SPATA3: variants seen among roughly 807,000 people sequenced by gnomAD.
SPATA3 encodes spermatogenesis associated 3.
SPATA3 carries 6 observed loss-of-function variants against 5.7 expected under a neutral mutation model. The observed-to-expected ratio is 1.06, with a 90% CI of 0.58 to 2.09. The LOEUF (loss-of-function observed/expected upper bound fraction) is 2.09, where lower values mean the gene tolerates loss of function less well. SPATA3 is among the 30% of genes most tolerant of loss of function. The probability of loss-of-function intolerance (pLI) is 0.00; values close to 1 mark genes in which losing one functional copy is unlikely to be tolerated. For missense variants in SPATA3, 155 were observed against 130.4 expected, an observed-to-expected ratio of 1.19 and a Z score of -0.92; for synonymous variants, 44 against 48.4, an observed-to-expected ratio of 0.91 and a Z score of 0.37.
chr2:231,017,509 C>A (rs1692962928), intron 6 of SPATA3, among the ~76,000 whole-genome samples: 1 of 152,228 alleles, frequency 6.6e-6, no homozygotes, highest in African/African-American at 2.4e-5. Flanking sequence ...ATGACTGGGC[C>A]CCGGGGAACT....
intron 6 of SPATA3, among the ~76,000 whole-genome samples, chr2:231,014,658 G>T (rs1354318639): frequency 6.6e-6 from 1 of 152,068 alleles, no homozygotes; most frequent in African/African-American, 2.4e-5. Flanking sequence ...GGCTCCTCTG[G>T]TACTCTGCTG....
Position 231,002,679 on chromosome 2 carries a change from T to C in SPATA3, c.963-5T>C. The C allele has an allele frequency of 1.3e-6, 2 of 1,501,192 alleles. No individual in the cohort carries two copies. Among genetic ancestry groups the C allele is most frequent in the Non-Finnish European group, 1.8e-6 (2 of 1,120,996 alleles). 93.0% of individuals were successfully genotyped at this position (1,501,192 alleles called of 1,614,324 possible). ...CACCACCCCCACTTCTGCTTTGCTC[T>C]ACAGAAAATCTTCAAGAAAACCCTC... On this transcript the variant is annotated splice_region_variant and splice_polypyrimidine_tract_variant and intron_variant, in intron 2 of 2. Transcript: ENST00000645363.
At chr2:230,996,479 C>A (rs927595310) in intron 1 of SPATA3, 1 of 1,552,308 alleles carries the variant, frequency 6.4e-7, no homozygotes, top group Non-Finnish European at 8.7e-7. Context: ...GCTCCTCTTG[C>A]TGCCTTTTAT....
intron 1 of SPATA3, among the ~76,000 whole-genome samples, chr2:230,998,406 T>C (rs1357144089): frequency 6.6e-6 from 1 of 152,224 alleles, no homozygotes; most frequent in African/African-American, 2.4e-5. Context: ...TCTTCAGTAC[T>C]GGTAGAAAGC....
At chr2:231,000,256 C>A in intron 1 of SPATA3, 110 bp from the exon 2 acceptor site, 1 of 1,042,088 alleles carries the variant, frequency 9.6e-7, no homozygotes, top group Non-Finnish European at 1.3e-6. Context: ...CCCTGGTAAT[C>A]CTGCAGCTGC....
intron 1 of SPATA3, chr2:230,996,446 C>G: frequency 6.4e-7 from 1 of 1,552,384 alleles, no homozygotes; most frequent in Non-Finnish European, 8.7e-7. Context: ...CATTCCAAGC[C>G]CTTCCAGCAC....
chr2:231,002,790 A>G, downstream of SPATA3: 1 of 1,492,782 alleles, frequency 6.7e-7, no homozygotes, highest in Non-Finnish European at 8.9e-7. Flanking sequence ...ACATCACTGA[A>G]TCCTTGTGAA....
At chr2:231,011,261 T>C (rs551169606), downstream of SPATA3, among the ~76,000 whole-genome samples, 51 of 152,162 alleles carry the variant, frequency 3.4e-4, no homozygotes, top group Non-Finnish European at 6.6e-4. Flanking sequence ...ATTACAAGCA[T>C]ACGCCACCAC....
At chr2:230,997,074 A>T (rs541338353) in intron 1 of SPATA3, among the ~76,000 whole-genome samples, 1 of 152,230 alleles carries the variant, frequency 6.6e-6, no homozygotes, top group East Asian at 1.9e-4. Flanking sequence ...ATGTGAATAG[A>T]CTTGTTCCTT....
chr2:231,018,757 C>G (rs547623044), intron 6 of SPATA3, among the ~76,000 whole-genome samples: 1 of 151,908 alleles, frequency 6.6e-6, no homozygotes, highest in Non-Finnish European at 1.5e-5. Context: ...ATAATCTCAG[C>G]TCACTGCAAC....
chr2:231,005,282 A>T (rs111209795), downstream of SPATA3, among the ~76,000 whole-genome samples: 5 of 125,554 alleles, frequency 4.0e-5, no homozygotes, highest in East Asian at 2.7e-4. Flanking sequence ...CACCATCACC[A>T]TCATCATCAC....
intron 2 of SPATA3, among the ~76,000 whole-genome samples, chr2:231,001,305 C>T (rs559058950): frequency 8.3e-4 from 127 of 152,260 alleles, no homozygotes; most frequent in African/African-American, 2.9e-3. Context: ...AGAGGGGTCG[C>T]CATCTGCCCC....
downstream of SPATA3, among the ~76,000 whole-genome samples, chr2:231,008,451 C>T (rs1232461982): frequency 6.6e-6 from 1 of 152,166 alleles, no homozygotes; most frequent in African/African-American, 2.4e-5. Flanking sequence ...TAGACCGGGA[C>T]CCAGCAGGGC....
chr2:231,011,999 C>T (rs1365379743), downstream of SPATA3, among the ~76,000 whole-genome samples: 1 of 152,206 alleles, frequency 6.6e-6, no homozygotes, highest in Non-Finnish European at 1.5e-5. Flanking sequence ...TGCCAATGTC[C>T]CAAGATGCAT....
At chr2:230,996,523 C>T in intron 1 of SPATA3, 2 of 1,551,786 alleles carry the variant, frequency 1.3e-6, no homozygotes, top group Non-Finnish European at 1.7e-6. Context: ...GCCCCTCAAT[C>T]CAGGAAAGCA....
At chr2:230,996,465 C>A (rs1352981577) in intron 1 of SPATA3, 1 of 1,552,340 alleles carries the variant, frequency 6.4e-7, no homozygotes, top group Non-Finnish European at 8.7e-7. Flanking sequence ...ACCCGAAATC[C>A]GCCGCTCCTC....
downstream of SPATA3, among the ~76,000 whole-genome samples, chr2:231,003,047 C>T (rs1301694396): frequency 6.6e-6 from 1 of 152,112 alleles, no homozygotes; most frequent in Admixed American, 6.5e-5. Context: ...GGATGGTGTC[C>T]CTGGTCATGG....
At chr2:231,012,025 G>A (rs1301447680), downstream of SPATA3, among the ~76,000 whole-genome samples, 3 of 152,244 alleles carry the variant, frequency 2.0e-5, no homozygotes, top group Non-Finnish European at 4.4e-5. Context: ...TCCTAAGCCA[G>A]GAGGAACTGA....
intron 1 of SPATA3, 61 bp from the exon 2 acceptor site, chr2:231,000,305 T>A (rs372549013): frequency 7.3e-7 from 1 of 1,372,076 alleles, no homozygotes; most frequent in East Asian, 2.8e-5. Flanking sequence ...TGTTCCAGAC[T>A]CCCCCGCCCC....
Sources: allele counts gnomAD v4.1 joint callset (sites outside exome capture counted in the v4.1 genomes callset), GRCh38; gene constraint gnomAD v4.1.1; transcripts MANE v1.5; gene names NCBI Gene and HGNC (gene_info 2026-07-23, HGNC 2026-07-21).